Variants in KLHL3 observed in about 807,000 individuals in gnomAD.
KLHL3 encodes the protein kelch-like protein 3.
KLHL3 carries 19 observed loss-of-function variants against 70.5 expected under a neutral mutation model. The observed-to-expected ratio is 0.27, with a 90% confidence interval of 0.19 to 0.40. The LOEUF is 0.40. KLHL3 is among the 10% of genes least tolerant of loss of function. KLHL3 has a pLI of 1.00. For missense variants in KLHL3, 512 were observed against 771.1 expected, an observed-to-expected ratio of 0.66 and a Z score of 3.98; for synonymous variants, 258 against 290.3, an observed-to-expected ratio of 0.89 and a Z score of 1.13.
chr5:137,722,179 A>G (rs1486918317), intron 1 of KLHL3, among the ~76,000 whole-genome samples: 1 of 152,238 alleles, frequency 6.6e-6, no homozygotes, highest in Non-Finnish European at 1.5e-5. Context: ...TCTATGCTTT[A>G]GAGTATATTT....
chr5:137,662,064 A>ACC (rs1491031930), intron 6 of KLHL3, 33 bp from the exon 7 acceptor site: 1 of 1,051,492 alleles, frequency 9.5e-7, no homozygotes, highest in Admixed American at 1.9e-5. Context: ...CAACTTCAGT[A>ACC]AAGAGACAAA....
intron 5 of KLHL3, among the ~76,000 whole-genome samples, chr5:137,682,031 T>C (rs1580756744): frequency 6.6e-6 from 1 of 152,170 alleles, no homozygotes; most frequent in African/African-American, 2.4e-5. Context: ...AGGCAAGGGC[T>C]TTCTCTGGGG....
intron 3 of KLHL3, chr5:137,706,052 G>A: frequency 6.1e-6 from 6 of 985,430 alleles, no homozygotes; most frequent in Non-Finnish European, 7.2e-6. Context: ...TCAGACTTCA[G>A]TTTCACATTT....
intron 5 of KLHL3, among the ~76,000 whole-genome samples, chr5:137,686,564 G>A (rs1436062774): frequency 1.3e-5 from 2 of 152,214 alleles, no homozygotes; most frequent in Non-Finnish European, 2.9e-5. Flanking sequence ...CTGGGTCCAG[G>A]GAGACCTGTG....
chr5:137,667,902 A>T (rs979980020), intron 6 of KLHL3, among the ~76,000 whole-genome samples: 3 of 152,230 alleles, frequency 2.0e-5, no homozygotes, highest in African/African-American at 7.2e-5. Context: ...GGCATTTTAC[A>T]CATATGATCT....
chr5:137,720,747 A>G, intron 1 of KLHL3, 163 bp from the exon 2 acceptor site: 1 of 1,444,724 alleles, frequency 6.9e-7, no homozygotes, highest in South Asian at 1.5e-5. Flanking sequence ...ATTTCTTCAT[A>G]TCTTCCAAAG....
chr5:137,658,884 C>T, intron 7 of KLHL3, among the ~76,000 whole-genome samples: 1 of 152,212 alleles, frequency 6.6e-6, no homozygotes, highest in East Asian at 1.9e-4. Flanking sequence ...AATTACCCTG[C>T]ACAAAGTCCC....
intron 1 of KLHL3, chr5:137,720,787 T>C: frequency 7.1e-7 from 1 of 1,405,184 alleles, no homozygotes; most frequent in South Asian, 1.5e-5. Flanking sequence ...GGAAGGCAGG[T>C]CATAGCTCAG....
intron 3 of KLHL3, among the ~76,000 whole-genome samples, chr5:137,708,808 A>G (rs1752733120): frequency 1.3e-5 from 2 of 152,200 alleles, no homozygotes; most frequent in South Asian, 2.1e-4. Context: ...AGTCAGTTAC[A>G]TGAGATACAG....
At chr5:137,654,495 C>G (rs572832917) in intron 8 of KLHL3, among the ~76,000 whole-genome samples, 1 of 152,310 alleles carries the variant, frequency 6.6e-6, no homozygotes, top group Admixed American at 6.5e-5. Context: ...AGACAGTACA[C>G]GATCTGATAA....
chr5:137,675,697 C>T (rs1391266478), intron 6 of KLHL3, among the ~76,000 whole-genome samples: 3 of 152,094 alleles, frequency 2.0e-5, no homozygotes, highest in Admixed American at 6.6e-5. Context: ...CCCTACTCCC[C>T]GCCAGACACA....
chr5:137,628,566 G>T (rs1359992907), intron 12 of KLHL3, 129 bp from the exon 13 acceptor site: 1 of 917,356 alleles, frequency 1.1e-6, no homozygotes, highest in Non-Finnish European at 1.7e-6. Flanking sequence ...TGTCTCCCTG[G>T]ACCTCAGTGT....
chr5:137,728,133 G>A (rs143827891), intron 1 of KLHL3, among the ~76,000 whole-genome samples: 2 of 152,136 alleles, frequency 1.3e-5, no homozygotes, highest in Non-Finnish European at 2.9e-5. Flanking sequence ...TAATTTATAA[G>A]TTACATAATT....
chr5:137,666,688 C>T (rs1173617313), intron 6 of KLHL3, among the ~76,000 whole-genome samples: 2 of 152,192 alleles, frequency 1.3e-5, no homozygotes, highest in African/African-American at 4.8e-5. Context: ...GCTATGAAAG[C>T]CACAGCATTC....
intron 3 of KLHL3, among the ~76,000 whole-genome samples, chr5:137,707,396 A>G (rs1561615079): frequency 1.3e-5 from 2 of 152,266 alleles, no homozygotes; most frequent in South Asian, 2.1e-4. Flanking sequence ...CTGCACCACT[A>G]TACTCCAGCC....
chr5:137,670,440 A>G (rs1751725745), intron 6 of KLHL3, among the ~76,000 whole-genome samples: 1 of 151,660 alleles, frequency 6.6e-6, no homozygotes, highest in African/African-American at 2.4e-5. Context: ...ACTCTACTCT[A>G]TAATGTGTTC....
chr5:137,656,137 C>T (rs779679522), intron 8 of KLHL3, among the ~76,000 whole-genome samples: 2 of 151,830 alleles, frequency 1.3e-5, no homozygotes, highest in Non-Finnish European at 2.9e-5. Flanking sequence ...AATCTCACTC[C>T]CAATGAAAGA....
At chr5:137,728,709 G>C (rs1369310642) in intron 1 of KLHL3, among the ~76,000 whole-genome samples, 1 of 152,156 alleles carries the variant, frequency 6.6e-6, no homozygotes, top group Non-Finnish European at 1.5e-5. Flanking sequence ...GGGGATAGAA[G>C]AGTCTCCAAG....
At chr5:137,724,144 C>T (rs1158714025) in intron 1 of KLHL3, among the ~76,000 whole-genome samples, 1 of 152,168 alleles carries the variant, frequency 6.6e-6, no homozygotes, top group Admixed American at 6.5e-5. Context: ...CTGTAAAATA[C>T]TCTACAAGTA....
Sources: gnomAD v4.1 joint callset for allele counts (sites outside exome capture counted in the v4.1 genomes callset) on GRCh38, gnomAD v4.1.1 for gene constraint, MANE v1.5 for transcripts, NCBI Gene and HGNC (gene_info 2026-07-23, HGNC 2026-07-21) for gene names.